The following QARS1 variants were observed in gnomAD, a reference collection of about 807,000 sequenced individuals.
QARS1 encodes glutaminyl-tRNA synthetase 1, also known as glutamine--tRNA ligase.
Under a neutral mutation model 106.9 loss-of-function variants are expected in QARS1, and 79 were observed. The observed-to-expected ratio is 0.74, with a 90% CI of 0.62 to 0.89. The LOEUF (loss-of-function observed/expected upper bound fraction) is 0.89. QARS1 is among the 40% of genes least tolerant of loss of function. QARS1 has a pLI of 0.00. For missense variants in QARS1, 966 were observed against 997.2 expected (o/e 0.97, Z 0.42); for synonymous variants, 395 against 367.7 (o/e 1.07, Z -0.85).
chr3:49,099,850 G>C lies in QARS1; in HGVS notation c.1299C>G (p.Cys433Trp). The change falls in exon 15 of 24, where the codon TGC becomes TGG. Residue 433 changes from cysteine (C) to tryptophan (W), a missense_variant. Transcript: ENST00000306125. Reference sequence around the variant, plus strand: ...GTGTGTAGTCGTAGGTGGGATAGATGCACCTGTGGGGCATAGGCAGTGGGC... The same window carrying C: ...GTGTGTAGTCGTAGGTGGGATAGATCCACCTGTGGGGCATAGGCAGTGGGC... ...TPHHRTGDKW[C>W]IYPTYDYTHC... 1 of 1,612,230 alleles carries C rather than the reference G, an allele frequency of 6.2e-7. No individual in the cohort carries two copies. The highest frequency in any genetic ancestry group is 8.5e-7 in the Non-Finnish European group (1 of 1,179,358).
rs567808853 is a variant in QARS1, at chr3:49,100,589, A to G, written c.962T>C (p.Met321Thr). The G allele has an allele frequency of 6.2e-7, 1 of 1,606,004 alleles. No individual in the cohort carries two copies. Among genetic ancestry groups the G allele is most frequent in the Admixed American group, 1.7e-5 (1 of 60,018 alleles). The change falls in exon 11 of 24, where the codon ATG becomes ACG. Residue 321 changes from methionine to threonine, a missense_variant. Coordinates refer to ENST00000306125, the MANE Select transcript of QARS1 (RefSeq NM_005051.3). ...CTAGTCCATACCTAGCCAGGCTACC[A>G]TGTCACAGATGGCCGTGAAGAACTT... ...EAKFFTAICD[M>T]VAWLGYTPYK...
chr3:49,101,585 A>T (rs767950120), intron 9 of QARS1, 35 bp downstream of exon 9: 4 of 1,610,900 alleles, frequency 2.5e-6, no homozygotes, highest in Non-Finnish European at 3.4e-6. Flanking sequence ...CAGGTGTTTG[A>T]TGGCACAAGC....
intron 22 of QARS1, 35 bp from the exon 23 acceptor site, chr3:49,098,152 G>C: frequency 6.2e-7 from 1 of 1,613,560 alleles, no homozygotes; most frequent in Non-Finnish European, 8.5e-7. Context: ...CATCCAACCA[G>C]GGAGGCCTAC....
chr3:49,096,248 G>A (rs2042388942), intron 23 of QARS1, among the ~76,000 whole-genome samples, 169 bp from the exon 24 acceptor site: 2 of 152,216 alleles, frequency 1.3e-5, no homozygotes. Context: ...TTTGGGTAAG[G>A]GACTGAATGG....
chr3:49,097,640 C>CA (rs2042409138), intron 23 of QARS1, among the ~76,000 whole-genome samples: 1 of 151,764 alleles, frequency 6.6e-6, no homozygotes, highest in Admixed American at 6.6e-5. Flanking sequence ...ACTAAAAATA[C>CA]AAAAAATTAG....
At position 49,100,257 on chromosome 3, in the gene QARS1, T is replaced by C. The variant is rs2042451493; in HGVS notation, c.1097A>G (p.Lys366Arg). 3.7e-6 allele frequency: 6 copies of C among 1,614,254 alleles called. No homozygotes were observed. The highest frequency in any genetic ancestry group is 3.4e-6 in the Non-Finnish European group (4 of 1,180,052). ...YVCHQRGEEL[K>R]GHNTLPSPWR... Reference sequence around the variant, plus strand: ...GGGTGAAGGCAGAGTATTATGGCCTTTGAGCTCCTCTCCTCGCTGGTGGCA... The same window carrying C: ...GGGTGAAGGCAGAGTATTATGGCCTCTGAGCTCCTCTCCTCGCTGGTGGCA... The change falls in exon 13 of 24, where the codon AAA becomes AGA. Residue 366 changes from lysine (K) to arginine (R), a missense_variant. Physicochemically the swap from Lys to Arg is conservative, Grantham distance 26. Transcript: ENST00000306125.
chr3:49,101,220 CAT>C, intron 10 of QARS1, 133 bp downstream of exon 10: 2 of 676,082 alleles, frequency 3.0e-6, no homozygotes, highest in Non-Finnish European at 5.2e-6. Flanking sequence ...ATCTGTCACA[CAT>C]GTGGTTCCTT....
rs779191171 is a variant in QARS1 at position 49,104,536 on chromosome 3, G to T, written c.118-65C>A. 4 of 1,604,536 alleles carry T rather than the reference G, an allele frequency of 2.5e-6. No individual in the cohort carries two copies. The South Asian group carries it at 3.3e-5, about 13-fold the overall frequency. The stretch of plus-strand genomic sequence containing the variant: ...TGAGAGGAAAGGGCGGGACAAACGG[G>T]GCAGGTCGGGATCTGGACCCCGCCC... On this transcript the variant is annotated intron_variant, in intron 1 of 23. Coordinates refer to ENST00000306125, the MANE Select transcript of QARS1 (RefSeq NM_005051.3).
At chr3:49,102,007 T>C in intron 7 of QARS1, 108 bp from the exon 8 acceptor site, 1 of 1,362,038 alleles carries the variant, frequency 7.3e-7, no homozygotes, top group South Asian at 1.4e-5. Flanking sequence ...AGAGACAAGA[T>C]ATCTAGAGCC....
chr3:49,099,082 T>C (rs756914226), intron 18 of QARS1, 28 bp downstream of exon 18: 3 of 1,612,746 alleles, frequency 1.9e-6, no homozygotes, highest in Non-Finnish European at 8.5e-7. Flanking sequence ...CACACACACA[T>C]GTGACACACA....
rs1429349583 is a variant in QARS1 at position 49,103,967 on chromosome 3, G to C, written c.271C>G (p.Leu91Val). Residue 91 changes from leucine to valine, a missense_variant, in exon 3 of 24, where the codon CTT becomes GTT. By Grantham distance (32) the Leu-to-Val change is conservative (BLOSUM62 1). Transcript: ENST00000306125. ...AAGGGGTGACTCCGCACATACTCAA[G>C]GGCAGCTGAGAAGAAAGAGCCCGTG... ...IHTEPQLSAA[L>V]EYVRSHPLDP... 6.2e-7 allele frequency: 1 copy of C among 1,613,542 alleles called. No individual in the cohort carries two copies. Among genetic ancestry groups the C allele is most frequent in the Admixed American group, 1.7e-5 (1 of 60,008 alleles).
intron 5 of QARS1, chr3:49,102,757 T>C: frequency 2.0e-6 from 1 of 487,992 alleles, no homozygotes; most frequent in South Asian, 1.7e-5. Flanking sequence ...TTTTCCTACC[T>C]CAGCCCTTCT....
chr3:49,102,583 G>T, intron 5 of QARS1, 111 bp from the exon 6 acceptor site: 1 of 1,189,094 alleles, frequency 8.4e-7, no homozygotes, highest in Non-Finnish European at 1.2e-6. Flanking sequence ...AGCACTGACT[G>T]AAAAAACCTA....
chr3:49,099,714 G>A (rs1362718670), intron 15 of QARS1, 47 bp downstream of exon 15: 2 of 1,613,248 alleles, frequency 1.2e-6, no homozygotes, highest in African/African-American at 1.3e-5. Context: ...AGGAAGGGCT[G>A]CTGGAATTCC....
rs767895338 is a variant in QARS1, at chr3:49,099,954, C to T, written c.1295+7G>A. 9.3e-6 allele frequency: 15 copies of T among 1,614,216 alleles called. No homozygotes were observed. The highest frequency in any genetic ancestry group is 1.1e-5 in the Non-Finnish European group (13 of 1,180,032). Reference sequence around the variant, plus strand: ...AGCCCCACCACCCCACCCCATTCTACACCCACCATTTGTCCCCTGTGCGGT... The same window carrying T: ...AGCCCCACCACCCCACCCCATTCTATACCCACCATTTGTCCCCTGTGCGGT... On this transcript the variant is annotated splice_region_variant and intron_variant, in intron 14 of 23. Transcript: ENST00000306125.
rs1085307775 is a variant in QARS1 at position 49,100,196 on chromosome 3, G to C, written c.1158C>G (p.Leu386=). The C allele has an allele frequency of 3.1e-6, 5 of 1,614,106 alleles. No individual in the cohort carries two copies. Among genetic ancestry groups the C allele is most frequent in the African/African-American group, 2.7e-5 (2 of 74,938 alleles). The change falls in exon 13 of 24, where the codon CTC becomes CTG. Residue 386 remains leucine, a synonymous_variant. Transcript: ENST00000306125. ...RDRPMEESLL[L]FEAMRKGKFS... is the part of the protein sequence containing the mutation. ...TGCTCCTCTAGGACCCCACCTCAAA[G>C]AGCAGCAGTGACTCCTCCATGGGAC...
At position 49,102,450 on chromosome 3, in the gene QARS1, T is replaced by C. The variant is rs1052975324; in HGVS notation, c.539A>G (p.Lys180Arg). Residue 180 changes from lysine to arginine, a missense_variant, in exon 6 of 24, where the codon AAG (lysine) becomes AGG (arginine). Lys to Arg is a conservative substitution (Grantham distance 26). Coordinates refer to ENST00000306125, the MANE Select transcript of QARS1 (RefSeq NM_005051.3). Reference protein sequence around the residue: ...DMQVLHLLGPKLEADLEKKFK... With the variant: ...DMQVLHLLGPRLEADLEKKFK... ...CTTCTTCTCCAGATCAGCCTCCAAC[T>C]TGGGGCCCAGAAGGTGGAGGACCTG... The C allele has an allele frequency of 4.3e-6, 7 of 1,613,948 alleles. No homozygotes were observed. The highest frequency in any genetic ancestry group is 1.1e-5 in the South Asian group (1 of 91,082).
chr3:49,099,238 CCA>C lies in QARS1; in HGVS notation c.1628_1629del (p.Val543GlyfsTer16). On this transcript the variant is annotated frameshift_variant, in exon 18 of 24. Coordinates refer to ENST00000306125, the MANE Select transcript of QARS1 (RefSeq NM_005051.3). LOFTEE classifies it high-confidence loss of function. ...NNFCARVGVT[V>X]AQTTMEPHLL... ...AGATGTGGCTCCATTGTGGTTTGTG[CCA>C]CAGTCACTCCCACCTGGCAGGAAAG... is the stretch of plus-strand genomic sequence containing the variant. 6.2e-7 allele frequency: 1 copy of C among 1,614,150 alleles called. No individual in the cohort carries two copies. Among genetic ancestry groups the C allele is most frequent in the Non-Finnish European group, 8.5e-7 (1 of 1,180,014 alleles).
In QARS1 at chr3:49,100,608, A is replaced by G. The variant is rs779300608; in HGVS notation, c.943T>C (p.Phe315Leu). ...GCTACCATGTCACAGATGGCCGTGAAGAACTTTGCTTCCTCCTTCTCAGGG... is the reference window on the plus strand; with the variant it reads ...GCTACCATGTCACAGATGGCCGTGAGGAACTTTGCTTCCTCCTTCTCAGGG... ...TNPEKEEAKF[F>L]TAICDMVAWL... The change falls in exon 11 of 24, where the codon TTC (phenylalanine) becomes CTC (leucine). Residue 315 changes from phenylalanine (F) to leucine (L), a missense_variant. Phe to Leu is a conservative substitution (Grantham distance 22). Coordinates refer to ENST00000306125, the MANE Select transcript of QARS1 (RefSeq NM_005051.3). 9.3e-6 allele frequency: 15 copies of G among 1,610,132 alleles called. No individual in the cohort carries two copies. Among genetic ancestry groups the G allele is most frequent in the Non-Finnish European group, 1.3e-5 (15 of 1,176,426 alleles).
Sources: gnomAD v4.1 joint callset for allele counts (sites outside exome capture counted in the v4.1 genomes callset) on GRCh38, gnomAD v4.1.1 for gene constraint, MANE v1.5 for transcripts, NCBI Gene and HGNC (gene_info 2026-07-23, HGNC 2026-07-21) for gene names.